MMS22L: variants seen among roughly 807,000 people sequenced by gnomAD.
The protein encoded by MMS22L is MMS22 like, DNA repair protein.
Under a neutral mutation model 159.1 loss-of-function variants are expected in MMS22L, and 74 were observed. The ratio of observed to expected loss-of-function variants is 0.47; its 90% confidence interval spans 0.39 to 0.56. The LOEUF (loss-of-function observed/expected upper bound fraction) is 0.56, where lower values mean the gene tolerates loss of function less well. Ranked by LOEUF, MMS22L falls within the 20% of genes least tolerant of loss-of-function variation. The pLI is 0.00. For synonymous variants in MMS22L, 517 were observed against 506.9 expected (o/e 1.02, Z -0.27); for missense variants, 1,351 against 1,422.1 (o/e 0.95, Z 0.80).
In MMS22L at chr6:97,186,735, AC is replaced by A. The variant is rs761858274; in HGVS notation, c.2040-46del. 8.2e-6 allele frequency: 11 copies of A among 1,341,992 alleles called. No individual in the cohort carries two copies. In the Admixed American group the frequency reaches 1.1e-4, roughly 14 times the overall value. 83.1% of individuals were successfully genotyped at this position (1,341,992 alleles called of 1,614,324 possible). Reference sequence around the variant, plus strand: ...CAGCTAACACCCTTAATAAATGCTTACAAAAATCTTCTTAAAGTACATTTTG... The same window carrying A: ...CAGCTAACACCCTTAATAAATGCTTAAAAAATCTTCTTAAAGTACATTTTG... On this transcript the variant is annotated intron_variant, in intron 14 of 24. Transcript: ENST00000683635.
intron 11 of MMS22L, among the ~76,000 whole-genome samples, chr6:97,235,058 T>C (rs929604298): frequency 1.3e-5 from 2 of 152,304 alleles, no homozygotes; most frequent in Admixed American, 1.3e-4. Flanking sequence ...AGTGACATGA[T>C]GTGATTGTTT....
chr6:97,272,610 C>T (rs1815857556), intron 6 of MMS22L, 94 bp downstream of exon 6: 1 of 1,122,710 alleles, frequency 8.9e-7, no homozygotes, highest in Non-Finnish European at 1.3e-6. Context: ...GGTTCCAGAG[C>T]TGTAATTCTG....
intron 9 of MMS22L, among the ~76,000 whole-genome samples, chr6:97,258,373 T>G (rs1814062324): frequency 6.6e-6 from 1 of 152,200 alleles, no homozygotes; most frequent in Non-Finnish European, 1.5e-5. Flanking sequence ...ATCAGCCATT[T>G]GTTCAAAGAC....
intron 10 of MMS22L, chr6:97,253,635 T>G (rs1476154149): frequency 6.6e-6 from 1 of 152,174 alleles, no homozygotes; most frequent in Non-Finnish European, 1.5e-5. Flanking sequence ...AATTTCTGTA[T>G]TTTTAGTAAA....
chr6:97,178,580 C>T lies in MMS22L; in HGVS notation c.2542G>A (p.Glu848Lys), dbSNP rs779113262. The T allele has an allele frequency of 2.0e-6, 3 of 1,490,254 alleles. No homozygotes were observed. The African/African-American group carries it at 4.2e-5, about 21-fold the overall frequency. The allele number at this position is 1,490,254 out of a possible 1,614,324, so 92.3% of individuals were successfully genotyped here. The change falls in exon 18 of 25, where the codon GAG (glutamate) becomes AAG (lysine). Residue 848 changes from glutamate to lysine, a missense_variant. Glu to Lys is a moderately conservative substitution (Grantham distance 56, BLOSUM62 1). Transcript: ENST00000683635. ...DKNLEEAVEK[E>K]YMKQLVKLTR... ...AGTTTGACCAACTGTTTCATGTACT[C>T]TTTTTCTGTTAAAATAAAATAGTAT...
chr6:97,185,290 T>G (rs1805107956), intron 15 of MMS22L, among the ~76,000 whole-genome samples: 1 of 152,148 alleles, frequency 6.6e-6, no homozygotes, highest in Non-Finnish European at 1.5e-5. Flanking sequence ...TCTCCATTAG[T>G]ATCTCTCCAA....
chr6:97,203,682 T>G (rs36033589), intron 14 of MMS22L, among the ~76,000 whole-genome samples: 6,133 of 152,262 alleles, frequency 0.04, 139 homozygotes, highest in Middle Eastern at 0.071. Context: ...ATTTCATAAA[T>G]TCCACTCCTT....
At chr6:97,218,782 G>A (rs889054419) in intron 14 of MMS22L, among the ~76,000 whole-genome samples, 2 of 152,170 alleles carry the variant, frequency 1.3e-5, no homozygotes, top group African/African-American at 4.8e-5. Context: ...AAGAAAAGAG[G>A]TTTAATTGAC....
intron 14 of MMS22L, among the ~76,000 whole-genome samples, chr6:97,205,549 C>T (rs906701200): frequency 6.6e-6 from 1 of 152,164 alleles, no homozygotes; most frequent in African/African-American, 2.4e-5. Context: ...GTGTCAGCAT[C>T]AGAATTTAGA....
At chr6:97,280,341 GT>G (rs1010720017) in intron 3 of MMS22L, among the ~76,000 whole-genome samples, 13 of 149,026 alleles carry the variant, frequency 8.7e-5, no homozygotes, top group African/African-American at 2.5e-4. Flanking sequence ...ATTGAGATGA[GT>G]TTTTTTTTTG....
At chr6:97,149,139 T>C (rs1245831313) in intron 24 of MMS22L, among the ~76,000 whole-genome samples, 1 of 152,186 alleles carries the variant, frequency 6.6e-6, no homozygotes. Flanking sequence ...CTCTATTTGA[T>C]GTTCACAAAT....
chr6:97,260,525 C>T (rs1814349987), intron 9 of MMS22L: 2 of 152,198 alleles, frequency 1.3e-5, no homozygotes, highest in East Asian at 3.9e-4. Context: ...TCCATCCATC[C>T]CCGGTTTTCT....
intron 22 of MMS22L, among the ~76,000 whole-genome samples, chr6:97,153,465 G>A (rs533242653): frequency 5.5e-5 from 8 of 146,616 alleles, no homozygotes; most frequent in Middle Eastern, 3.7e-3. Flanking sequence ...TCTGCCTCCC[G>A]GGTTCAAGCA....
intron 19 of MMS22L, among the ~76,000 whole-genome samples, chr6:97,170,565 T>C (rs185341726): frequency 1.2e-4 from 18 of 152,186 alleles, no homozygotes; most frequent in Admixed American, 4.6e-4. Flanking sequence ...TGATAACCAC[T>C]ATACAAGCTC....
intron 22 of MMS22L, among the ~76,000 whole-genome samples, chr6:97,158,567 T>C (rs1802095663): frequency 6.6e-6 from 1 of 152,216 alleles, no homozygotes; most frequent in African/African-American, 2.4e-5. Context: ...TTTTGTTATT[T>C]ATCCAGTAGT....
chr6:97,275,310 C>T (rs752657058), intron 4 of MMS22L, among the ~76,000 whole-genome samples: 1 of 152,122 alleles, frequency 6.6e-6, no homozygotes, highest in African/African-American at 2.4e-5. Flanking sequence ...AGGCGAATCA[C>T]GAGGTCAGGA....
chr6:97,149,795 T>C, intron 24 of MMS22L, 58 bp downstream of exon 24: 1 of 1,441,148 alleles, frequency 6.9e-7, no homozygotes, highest in Non-Finnish European at 9.2e-7. Flanking sequence ...TTCTATAAAA[T>C]GAAATATAAA....
rs773506878 is a variant in MMS22L, at chr6:97,151,885, A to G, written c.3386-18T>C. On this transcript the variant is annotated intron_variant, in intron 22 of 24. Coordinates refer to ENST00000683635, the MANE Select transcript of MMS22L (RefSeq NM_001350599.2). ...CCTTTTAACTAGAAGGAAAAATTACAGCATTAGGCACTGTGTCTGAATTGA... is the reference window on the plus strand; with the variant it reads ...CCTTTTAACTAGAAGGAAAAATTACGGCATTAGGCACTGTGTCTGAATTGA... 3.8e-6 allele frequency: 6 copies of G among 1,593,580 alleles called. No individual in the cohort carries two copies. In the African/African-American group the frequency reaches 6.7e-5, roughly 18 times the overall value.
rs1284093227 is a variant in MMS22L at position 97,142,514 on chromosome 6, A to C, written c.*4292T>G. The stretch of plus-strand genomic sequence containing the variant: ...CCTGACAGGCAATATTTTTAACTCT[A>C]AGAGGGGTAGGTAAAAGATCAGTTT... On this transcript the variant is annotated 3_prime_UTR_variant, in exon 25 of 25. Transcript: ENST00000683635. 6.6e-6 allele frequency: 1 copy of C among 152,412 alleles called. No homozygotes were observed. The highest frequency in any genetic ancestry group is 1.5e-5 in the Non-Finnish European group (1 of 67,938). The allele number at this position is 152,412 out of a possible 1,614,324, so 9.4% of individuals were successfully genotyped here.
Sources: allele counts gnomAD v4.1 joint callset (sites outside exome capture counted in the v4.1 genomes callset), GRCh38; gene constraint gnomAD v4.1.1; transcripts MANE v1.5; gene names NCBI Gene and HGNC (gene_info 2026-07-23, HGNC 2026-07-21).